Variants in CEP63 observed in about 807,000 individuals in gnomAD.
CEP63 encodes centrosomal protein of 63 kDa.
A neutral mutation model predicts 89.1 loss-of-function variants in CEP63; 84 were observed. The observed-to-expected ratio is 0.94, with a 90% CI of 0.79 to 1.13. CEP63 has a LOEUF of 1.13. CEP63 is among the 50% of genes most tolerant of loss of function. The pLI, the probability that CEP63 is intolerant of heterozygous loss-of-function variation, is 0.00. For missense variants in CEP63, 838 were observed against 813.3 expected (o/e 1.03, Z -0.37); for synonymous variants, 267 against 272.5 (o/e 0.98, Z 0.20).
At chr3:134,589,994 G>C (rs1290472509), downstream of CEP63, among the ~76,000 whole-genome samples, 2 of 152,120 alleles carry the variant, frequency 1.3e-5, no homozygotes, top group Non-Finnish European at 2.9e-5. Flanking sequence ...ACTAACATAG[G>C]AACAGAAAAC....
the CEP63 span, chr3:134,603,692 A>AGTAGCCCTCGTGGTTCAGG: frequency 1.2e-6 from 2 of 1,613,926 alleles, no homozygotes; most frequent in Non-Finnish European, 1.7e-6. Flanking sequence ...CTTCCCTCCC[A>AGTAGCCCTCGTGGTTCAGG]GTAGCCCTCG....
the CEP63 span, among the ~76,000 whole-genome samples, chr3:134,643,594 C>T: frequency 6.6e-6 from 1 of 152,250 alleles, no homozygotes; most frequent in African/African-American, 2.4e-5. Flanking sequence ...GCACACACCC[C>T]TTGTGCCTCT....
chr3:134,487,750 C>T (rs1178231036), intron 1 of CEP63, among the ~76,000 whole-genome samples: 2 of 152,236 alleles, frequency 1.3e-5, no homozygotes, highest in African/African-American at 4.8e-5. Flanking sequence ...TAAAAATTCT[C>T]TAATGTCAAT....
the CEP63 span, among the ~76,000 whole-genome samples, chr3:134,648,294 C>G: frequency 6.6e-6 from 1 of 152,304 alleles, no homozygotes; most frequent in East Asian, 1.9e-4. Flanking sequence ...TATTCTCCAG[C>G]CCTCTCAACC....
intron 11 of CEP63, among the ~76,000 whole-genome samples, chr3:134,570,673 G>T (rs545653215): frequency 3.9e-5 from 6 of 152,262 alleles, no homozygotes; most frequent in African/African-American, 1.2e-4. Context: ...TCCAACCTCT[G>T]CCTGCTACCC....
intron 2 of CEP63, 131 bp from the exon 3 acceptor site, chr3:134,506,978 A>G: frequency 2.0e-6 from 1 of 488,150 alleles, no homozygotes; most frequent in Admixed American, 3.5e-5. Flanking sequence ...CTGGTAATTT[A>G]TTAATTTACA....
At chr3:134,662,501 C>T in the CEP63 span, among the ~76,000 whole-genome samples, 1 of 152,032 alleles carries the variant, frequency 6.6e-6, no homozygotes, top group Admixed American at 6.6e-5. Context: ...TATTGGATGC[C>T]CACTCTATGC....
rs1345307482 is a variant in CEP63 at position 134,486,089 on chromosome 3, G to T, written c.-139G>T. The T allele has an allele frequency of 6.1e-6, 6 of 985,570 alleles. No homozygotes were observed. Among genetic ancestry groups the T allele is most frequent in the Non-Finnish European group, 7.2e-6 (6 of 830,046 alleles). The allele number at this position is 985,570 out of a possible 1,614,324, so 61.1% of individuals were successfully genotyped here. A position where few individuals can be genotyped will look rare whatever the true frequency, so the allele number is the denominator to read the frequency against. ...TGCTCGCGTGCAGGGGAAGTCTGGA[G>T]AAGGCATTGTTTCAATTATTAAAAG... is the stretch of plus-strand genomic sequence containing the variant. On this transcript the variant is annotated 5_prime_UTR_variant, in exon 1 of 15. Coordinates refer to ENST00000675561, the MANE Select transcript of CEP63 (RefSeq NM_001353108.3).
At chr3:134,499,346 G>A (rs781225336) in intron 2 of CEP63, among the ~76,000 whole-genome samples, 1 of 151,962 alleles carries the variant, frequency 6.6e-6, no homozygotes, top group Non-Finnish European at 1.5e-5. Flanking sequence ...GTATTTCTGT[G>A]GTTATCAGTT....
chr3:134,561,184 G>T (rs952176691), intron 14 of CEP63, among the ~76,000 whole-genome samples, 193 bp from the exon 15 acceptor site: 1 of 152,156 alleles, frequency 6.6e-6, no homozygotes, highest in Non-Finnish European at 1.5e-5. Flanking sequence ...GGAGAGATCT[G>T]TGTTAATTTT....
the CEP63 span, among the ~76,000 whole-genome samples, chr3:134,773,268 C>A: frequency 6.6e-6 from 1 of 152,134 alleles, no homozygotes. Flanking sequence ...GGGAGGCTTA[C>A]CCTCAGTTAT....
At chr3:134,534,726 A>T (rs1950456131) in intron 5 of CEP63, among the ~76,000 whole-genome samples, 1 of 152,102 alleles carries the variant, frequency 6.6e-6, no homozygotes, top group Non-Finnish European at 1.5e-5. Context: ...GTCTGTTCTC[A>T]CTTTAAATTC....
At chr3:134,488,310 T>A (rs1172247036) in intron 1 of CEP63, among the ~76,000 whole-genome samples, 4 of 152,124 alleles carry the variant, frequency 2.6e-5, no homozygotes, top group African/African-American at 9.7e-5. Context: ...TGTGTATTAT[T>A]CATATTACTG....
chr3:134,600,606 C>G, the CEP63 span, among the ~76,000 whole-genome samples: 95,240 of 151,444 alleles, frequency 0.63, 30,408 homozygotes, highest in East Asian at 0.87. Context: ...CCTCCACCCT[C>G]GGTTCCCTTC....
At chr3:134,593,358 T>C in the CEP63 span, among the ~76,000 whole-genome samples, 1 of 152,200 alleles carries the variant, frequency 6.6e-6, no homozygotes, top group East Asian at 1.9e-4. Context: ...TGTTAGCTCA[T>C]TTAATCCCCA....
the CEP63 span, among the ~76,000 whole-genome samples, chr3:134,689,442 T>TTTATTA: frequency 0.26 from 24,708 of 96,086 alleles, 2,205 homozygotes; most frequent in Non-Finnish European, 0.32. Flanking sequence ...AAGGACCTTA[T>TTTATTA]TTATTATTAT....
rs879200300 is a variant in CEP63 at position 134,537,208 on chromosome 3, A to G, written c.495A>G (p.Gln165=). ...DWEKQRLIYQ[Q]QVSSLEAQRK... ...AGAAGCAACGCTTGATTTATCAGCA[A>G]CAGGTATCTTCACTGGAGGCACAAA... Residue 165 remains glutamine, a synonymous_variant, in exon 6 of 15, where the codon CAA becomes CAG. Transcript: ENST00000675561. 3.1e-6 allele frequency: 5 copies of G among 1,613,970 alleles called. No individual in the cohort carries two copies. In the African/African-American group the frequency reaches 4.0e-5, roughly 13 times the overall value.
chr3:134,669,205 T>G, the CEP63 span, among the ~76,000 whole-genome samples: 1 of 143,448 alleles, frequency 7.0e-6, no homozygotes, highest in Admixed American at 6.7e-5. Flanking sequence ...TTTTTAAATG[T>G]TTTTTGTAGA....
the CEP63 span, among the ~76,000 whole-genome samples, chr3:134,621,348 T>A: frequency 6.6e-6 from 1 of 152,148 alleles, no homozygotes; most frequent in Non-Finnish European, 1.5e-5. Context: ...ATCAAAACAG[T>A]TTGATACTGC....
Sources: allele counts gnomAD v4.1 joint callset (sites outside exome capture counted in the v4.1 genomes callset), GRCh38; gene constraint gnomAD v4.1.1; transcripts MANE v1.5; gene names NCBI Gene and HGNC (gene_info 2026-07-23, HGNC 2026-07-21).